The following ITGA9 variants were observed in gnomAD, a reference collection of about 807,000 sequenced individuals.
ITGA9 encodes the protein integrin alpha-9.
In ITGA9, 56 loss-of-function variants were observed where a neutral mutation model predicts 127.8. The observed-to-expected ratio is 0.44, with a 90% CI of 0.35 to 0.55. ITGA9 has a LOEUF of 0.55. Ranked by LOEUF, ITGA9 falls within the 20% of genes least tolerant of loss-of-function variation. The pLI is 0.00. For missense variants in ITGA9, 1,196 were observed against 1,347.1 expected, an observed-to-expected ratio of 0.89 and a Z score of 1.76; for synonymous variants, 508 against 514.5, an observed-to-expected ratio of 0.99 and a Z score of 0.17.
intron 17 of ITGA9, among the ~76,000 whole-genome samples, chr3:37,671,432 C>T (rs1391166552): frequency 1.3e-5 from 2 of 152,238 alleles, no homozygotes; most frequent in South Asian, 2.1e-4. Context: ...TCTACCACTA[C>T]ATGGCTGGGG....
chr3:37,599,989 C>T (rs1699902443), intron 15 of ITGA9, among the ~76,000 whole-genome samples: 1 of 152,054 alleles, frequency 6.6e-6, no homozygotes. Context: ...GCATAGTCAG[C>T]TATACTGGAA....
chr3:37,620,765 C>T (rs1700119877), intron 15 of ITGA9, among the ~76,000 whole-genome samples: 1 of 152,092 alleles, frequency 6.6e-6, no homozygotes, highest in Admixed American at 6.5e-5. Flanking sequence ...CAGGGTCACC[C>T]CTCTACAAGG....
chr3:37,512,124 CTTTTCTTTTCTT>C (rs1559524827), intron 8 of ITGA9, among the ~76,000 whole-genome samples: 4 of 15,330 alleles, frequency 2.6e-4, no homozygotes, highest in African/African-American at 6.9e-4. Context: ...TTCCTTCTTT[CTTTTCTTTTCTT>C]TTCTTTTCTT....
chr3:37,542,784 G>A (rs1699287513), intron 15 of ITGA9, among the ~76,000 whole-genome samples, 199 bp downstream of exon 15: 1 of 152,054 alleles, frequency 6.6e-6, no homozygotes, highest in Non-Finnish European at 1.5e-5. Context: ...GTTGATTTCA[G>A]CCTTTAAGGG....
intron 22 of ITGA9, chr3:37,745,888 T>C (rs1306396749): frequency 6.6e-6 from 1 of 152,196 alleles, no homozygotes; most frequent in Non-Finnish European, 1.5e-5. Context: ...GCATGTCCCT[T>C]AGATAAACTC....
At chr3:37,577,086 G>A (rs555403558) in intron 15 of ITGA9, among the ~76,000 whole-genome samples, 89 of 152,350 alleles carry the variant, frequency 5.8e-4, no homozygotes, top group Non-Finnish European at 2.9e-4. Flanking sequence ...TTCCTCTGAT[G>A]TGGCACAGGT....
chr3:37,553,186 C>T (rs13318285), intron 15 of ITGA9, among the ~76,000 whole-genome samples: 31,617 of 152,046 alleles, frequency 0.21, 5,085 homozygotes, highest in African/African-American at 0.45. Context: ...GTCGGAGACG[C>T]GATGCCCCCT....
At position 37,664,033 on chromosome 3, in the gene ITGA9, G is replaced by A. The variant is rs552282306; in HGVS notation, c.1916+10243G>A. Among the ~76,000 whole-genome samples, 120 of 152,206 alleles carry A rather than the reference G, an allele frequency of 7.9e-4. 1 individual carries two copies. The highest frequency in any genetic ancestry group is 1.1e-3 in the Non-Finnish European group (78 of 68,024). On this transcript the variant is annotated intron_variant, in intron 17 of 27. Coordinates refer to ENST00000264741, the MANE Select transcript of ITGA9 (RefSeq NM_002207.3). The stretch of plus-strand genomic sequence containing the variant: ...ATTCTTATACTCTTTTTACTGAGGC[G>A]GTGCAGAGGCTCAGGAAGGCCAGGT...
chr3:37,776,658 G>A (rs890416316), intron 23 of ITGA9, among the ~76,000 whole-genome samples: 28 of 152,304 alleles, frequency 1.8e-4, no homozygotes, highest in Middle Eastern at 6.8e-3. Flanking sequence ...AAATCATCAA[G>A]AAAGACTAAG....
At chr3:37,761,146 T>A (rs1027466563) in intron 23 of ITGA9, among the ~76,000 whole-genome samples, 8 of 152,212 alleles carry the variant, frequency 5.3e-5, no homozygotes, top group African/African-American at 1.9e-4. Flanking sequence ...GCCTCACTGG[T>A]AATCAGAGCA....
intron 15 of ITGA9, among the ~76,000 whole-genome samples, chr3:37,574,853 T>C (rs956846611): frequency 2.0e-5 from 3 of 152,116 alleles, no homozygotes; most frequent in Admixed American, 6.5e-5. Context: ...CATATCGGGA[T>C]TGGGGCTCCA....
At chr3:37,590,527 G>T (rs1699805120) in intron 15 of ITGA9, among the ~76,000 whole-genome samples, 1 of 152,166 alleles carries the variant, frequency 6.6e-6, no homozygotes, top group Admixed American at 6.5e-5. Context: ...GTGTAGCCAA[G>T]CCCAAATATT....
In ITGA9 at chr3:37,517,602, G is replaced by C. The variant is rs1158084997; in HGVS notation, c.1134G>C (p.Gly378=). 4.4e-6 allele frequency: 7 copies of C among 1,576,966 alleles called. No homozygotes were observed. The highest frequency in any genetic ancestry group is 6.0e-6 in the Non-Finnish European group (7 of 1,160,294). Reference sequence around the variant, plus strand: ...GCCTGGACGATCTGGACAATGATGGGTTCCCAGGTGAGTGAGTGCTCCTGG... The same window carrying C: ...GCCTGGACGATCTGGACAATGATGGCTTCCCAGGTGAGTGAGTGCTCCTGG... ...IASLDDLDND[G]FPDVAIGAPK... is the part of the protein sequence containing the mutation. The change falls in exon 10 of 28, where the codon GGG becomes GGC. Residue 378 remains glycine (G), a synonymous_variant. Coordinates refer to ENST00000264741, the MANE Select transcript of ITGA9 (RefSeq NM_002207.3).
At chr3:37,790,620 T>C (rs1208747402) in intron 26 of ITGA9, 1 of 220,024 alleles carries the variant, frequency 4.5e-6, no homozygotes, top group African/African-American at 2.3e-5. Context: ...AAATATGCCA[T>C]AGATTCTTGA....
At chr3:37,699,218 G>A (rs1700919914) in intron 18 of ITGA9, among the ~76,000 whole-genome samples, 1 of 152,134 alleles carries the variant, frequency 6.6e-6, no homozygotes, top group Non-Finnish European at 1.5e-5. Context: ...TGGACATGCT[G>A]ACAACTCCCA....
intron 26 of ITGA9, among the ~76,000 whole-genome samples, chr3:37,789,604 C>CG (rs201164890): frequency 7.3e-6 from 1 of 137,800 alleles, no homozygotes; most frequent in South Asian, 2.3e-4. Context: ...CTAAAAAATA[C>CG]CAAAAAAAAA....
At chr3:37,614,239 T>A (rs1700052001) in intron 15 of ITGA9, among the ~76,000 whole-genome samples, 1 of 152,174 alleles carries the variant, frequency 6.6e-6, no homozygotes, top group African/African-American at 2.4e-5. Context: ...CCCCATTGCT[T>A]GTTTTCGTCA....
intron 15 of ITGA9, among the ~76,000 whole-genome samples, chr3:37,592,950 A>G (rs1165054843): frequency 3.3e-5 from 5 of 152,222 alleles, no homozygotes; most frequent in African/African-American, 9.7e-5. Context: ...GCTGTACTCC[A>G]TAGCCTGAAA....
At chr3:37,567,617 C>A (rs1699560266) in intron 15 of ITGA9, among the ~76,000 whole-genome samples, 1 of 152,168 alleles carries the variant, frequency 6.6e-6, no homozygotes, top group African/African-American at 2.4e-5. Context: ...TTCCTAGATA[C>A]AATGGGGGTA....
Sources: gnomAD v4.1 joint callset for allele counts (sites outside exome capture counted in the v4.1 genomes callset) on GRCh38, gnomAD v4.1.1 for gene constraint, MANE v1.5 for transcripts, NCBI Gene and HGNC (gene_info 2026-07-23, HGNC 2026-07-21) for gene names.